The following AFG2A variants were observed in gnomAD, a reference collection of about 807,000 sequenced individuals.
AFG2A encodes ATPase family gene 2 protein homolog A.
At chr4:123,222,847 G>A in the AFG2A span, among the ~76,000 whole-genome samples, 2 of 152,104 alleles carry the variant, frequency 1.3e-5, no homozygotes, top group Non-Finnish European at 2.9e-5. Context: ...TTTCATCCAT[G>A]TTATCCCATA....
At chr4:123,141,159 G>C in the AFG2A span, among the ~76,000 whole-genome samples, 1 of 152,194 alleles carries the variant, frequency 6.6e-6, no homozygotes, top group Non-Finnish European at 1.5e-5. Flanking sequence ...GATTTTAAAA[G>C]AAAGTTTCTA....
the AFG2A span, among the ~76,000 whole-genome samples, chr4:123,286,344 G>T: frequency 6.6e-6 from 1 of 152,074 alleles, no homozygotes; most frequent in Non-Finnish European, 1.5e-5. Flanking sequence ...AAGAGTTAAT[G>T]ACTTATATAT....
At chr4:123,316,510 A>C in the AFG2A span, 2 of 152,192 alleles carry the variant, frequency 1.3e-5, no homozygotes, top group Non-Finnish European at 2.9e-5. Flanking sequence ...TGTTATCTAC[A>C]TAGAAAATTA....
At chr4:123,216,976 A>G in the AFG2A span, among the ~76,000 whole-genome samples, 2 of 152,158 alleles carry the variant, frequency 1.3e-5, no homozygotes, top group African/African-American at 4.8e-5. Flanking sequence ...GACAATTTTT[A>G]CTTTTTAATT....
At chr4:123,041,259 C>T in the AFG2A span, among the ~76,000 whole-genome samples, 2 of 148,342 alleles carry the variant, frequency 1.3e-5, no homozygotes, top group South Asian at 2.2e-4. Flanking sequence ...TACAGGTGCC[C>T]GCCACCACGC....
the AFG2A span, among the ~76,000 whole-genome samples, chr4:123,119,604 A>G: frequency 6.6e-6 from 1 of 152,180 alleles, no homozygotes; most frequent in African/African-American, 2.4e-5. Flanking sequence ...AAATTATAAC[A>G]TGTCTTGCCA....
the AFG2A span, among the ~76,000 whole-genome samples, chr4:123,121,658 C>G: frequency 1.3e-5 from 2 of 152,210 alleles, no homozygotes; most frequent in Non-Finnish European, 2.9e-5. Flanking sequence ...CAGGCTATAT[C>G]ATATGGCCTG....
the AFG2A span, among the ~76,000 whole-genome samples, chr4:122,963,485 T>G: frequency 6.6e-6 from 1 of 152,198 alleles, no homozygotes; most frequent in Non-Finnish European, 1.5e-5. Flanking sequence ...GCACCTTGTA[T>G]GTACTAACAC....
the AFG2A span, among the ~76,000 whole-genome samples, chr4:123,300,424 G>A: frequency 2.0e-5 from 3 of 152,160 alleles, no homozygotes; most frequent in African/African-American, 4.8e-5. Context: ...TTTCAGATCA[G>A]TAAAATCAGA....
chr4:123,036,198 G>T, the AFG2A span, among the ~76,000 whole-genome samples: 5 of 152,270 alleles, frequency 3.3e-5, no homozygotes, highest in East Asian at 7.7e-4. Flanking sequence ...TTATTTAGTG[G>T]GAGAGATATT....
the AFG2A span, among the ~76,000 whole-genome samples, chr4:123,223,998 C>G: frequency 6.6e-6 from 1 of 152,148 alleles, no homozygotes; most frequent in Admixed American, 6.6e-5. Context: ...TCACCAGGAC[C>G]AATGTCATTA....
the AFG2A span, among the ~76,000 whole-genome samples, chr4:123,285,827 A>G: frequency 3.3e-5 from 5 of 152,134 alleles, no homozygotes; most frequent in African/African-American, 7.2e-5. Flanking sequence ...TCATTTATAA[A>G]TTGGGGGTAG....
chr4:122,932,051 G>C, the AFG2A span, among the ~76,000 whole-genome samples: 1 of 152,120 alleles, frequency 6.6e-6, no homozygotes, highest in Non-Finnish European at 1.5e-5. Context: ...TGGATCGCCT[G>C]AACTTAGGAG....
the AFG2A span, among the ~76,000 whole-genome samples, chr4:123,007,554 GTGTGTGTGTGTATA>G: frequency 1.5e-5 from 1 of 66,762 alleles, no homozygotes; most frequent in Non-Finnish European, 2.9e-5. Context: ...GTATGTATGT[GTGTGTGTGTGTATA>G]TGTGTGTGTG....
the AFG2A span, among the ~76,000 whole-genome samples, chr4:123,151,124 A>G: frequency 6.6e-6 from 1 of 152,214 alleles, no homozygotes; most frequent in Non-Finnish European, 1.5e-5. Context: ...TTAACTCAAG[A>G]TGGATTAAAG....
At chr4:123,311,570 G>A in the AFG2A span, among the ~76,000 whole-genome samples, 1 of 147,962 alleles carries the variant, frequency 6.8e-6, no homozygotes, top group African/African-American at 2.5e-5. Context: ...GAGGTTGCAG[G>A]GAGCCGAGAT....
chr4:123,086,344 G>A, the AFG2A span, among the ~76,000 whole-genome samples: 10 of 151,962 alleles, frequency 6.6e-5, no homozygotes, highest in Non-Finnish European at 1.0e-4. Context: ...TAAATATTTC[G>A]CTTCACTTTC....
chr4:123,094,158 G>A, the AFG2A span, among the ~76,000 whole-genome samples: 1 of 152,120 alleles, frequency 6.6e-6, no homozygotes, highest in African/African-American at 2.4e-5. Context: ...TTGATCATCA[G>A]GGGATCTTTC....
chr4:123,101,870 A>AC, the AFG2A span, among the ~76,000 whole-genome samples: 1 of 152,060 alleles, frequency 6.6e-6, no homozygotes, highest in Non-Finnish European at 1.5e-5. Context: ...GGAAAGCTCA[A>AC]AACTAACAGA....
Sources: gnomAD v4.1 joint callset for allele counts (sites outside exome capture counted in the v4.1 genomes callset) on GRCh38, gnomAD v4.1.1 for gene constraint, MANE v1.5 for transcripts, NCBI Gene and HGNC (gene_info 2026-07-23, HGNC 2026-07-21) for gene names.